The following ARHGEF16 variants were observed in gnomAD, a reference collection of about 807,000 sequenced individuals.
ARHGEF16 encodes the protein Rho guanine nucleotide exchange factor 16.
In ARHGEF16, 59 loss-of-function variants were observed where a neutral mutation model predicts 74.1. The observed-to-expected ratio is 0.80, with a 90% CI of 0.65 to 0.99. The LOEUF (loss-of-function observed/expected upper bound fraction) is 0.99. Ranked by LOEUF, ARHGEF16 falls within the 50% of genes least tolerant of loss-of-function variation. The pLI, the probability that ARHGEF16 is intolerant of heterozygous loss-of-function variation, is 0.00. For missense variants in ARHGEF16, 948 were observed against 986.6 expected, an observed-to-expected ratio of 0.96 and a Z score of 0.52; for synonymous variants, 415 against 412.6, an observed-to-expected ratio of 1.01 and a Z score of -0.07.
In ARHGEF16 at chr1:3,461,817, G is replaced by A. The variant is rs369525218; in HGVS notation, c.-19-1249G>A. On this transcript the variant is annotated intron_variant, in intron 1 of 14. Coordinates refer to ENST00000378378, the MANE Select transcript of ARHGEF16 (RefSeq NM_014448.4). ...CCATTGAGGCTCTGCCTGGCCACGC[G>A]TGCCTATAGTCATGGCAGCCAGGGA... 2.8e-4 allele frequency among the ~76,000 whole-genome samples: 42 copies of A among 152,320 alleles called. 1 individual carries two copies. The South Asian group carries it at 7.9e-3, about 29-fold the overall frequency.
At chr1:3,472,825 G>A (rs1173188519) in intron 6 of ARHGEF16, 9 of 502,408 alleles carry the variant, frequency 1.8e-5, no homozygotes. Flanking sequence ...GCACCAGTGC[G>A]TGGGATCGTG....
chr1:3,470,532 T>G (rs1569860769), intron 6 of ARHGEF16, among the ~76,000 whole-genome samples: 1 of 147,442 alleles, frequency 6.8e-6, no homozygotes, highest in African/African-American at 2.5e-5. Context: ...TGGGCAGGGG[T>G]GTGTATGCGT....
intron 1 of ARHGEF16, among the ~76,000 whole-genome samples, chr1:3,457,852 G>T (rs903888145): frequency 1.3e-5 from 2 of 152,216 alleles, no homozygotes; most frequent in Admixed American, 6.5e-5. Flanking sequence ...GGGATACCAG[G>T]TGGGGTATTT....
intron 5 of ARHGEF16, among the ~76,000 whole-genome samples, chr1:3,469,199 G>A (rs1639634667): frequency 6.6e-6 from 1 of 152,194 alleles, no homozygotes; most frequent in African/African-American, 2.4e-5. Flanking sequence ...CAAGGACGGG[G>A]GTCGTTGCCC....
Position 3,479,951 on chromosome 1 carries a change from G to C in ARHGEF16, c.1990+38G>C, listed in dbSNP as rs373574501. 9.8e-5 allele frequency: 157 copies of C among 1,597,428 alleles called. 1 individual carries two copies. Among genetic ancestry groups the C allele is most frequent in the Non-Finnish European group, 1.2e-4 (137 of 1,168,278 alleles). ...GCGTTGGGCACAGATGGGTGGGAAC[G>C]GACAGGCGGGCGTGAGTCAGCGTCC... is the stretch of plus-strand genomic sequence containing the variant. On this transcript the variant is annotated intron_variant, in intron 14 of 14. Transcript: ENST00000378378.
chr1:3,479,471 G>T (rs1426642756), intron 12 of ARHGEF16, 46 bp from the exon 13 acceptor site: 2 of 1,603,626 alleles, frequency 1.2e-6, no homozygotes, highest in South Asian at 2.2e-5. Flanking sequence ...CATCAGACGG[G>T]CAGGATCGGT....
chr1:3,455,013 G>A (rs1323575845), intron 1 of ARHGEF16, among the ~76,000 whole-genome samples: 1 of 151,802 alleles, frequency 6.6e-6, no homozygotes, highest in Non-Finnish European at 1.5e-5. Context: ...CGGGGCTCGC[G>A]GGCTGAGCCG....
At chr1:3,479,396 G>A in intron 12 of ARHGEF16, 121 bp from the exon 13 acceptor site, 3 of 1,033,892 alleles carry the variant, frequency 2.9e-6, no homozygotes, top group Non-Finnish European at 1.4e-6. Flanking sequence ...AGCCACTCCT[G>A]CCCACCCCCA....
chr1:3,473,550 G>C (rs749577594), intron 8 of ARHGEF16, 28 bp downstream of exon 8: 11 of 1,602,128 alleles, frequency 6.9e-6, no homozygotes, highest in East Asian at 2.2e-5. Flanking sequence ...GGGTGGGGCC[G>C]GGCATACCAT....
chr1:3,472,934 C>A, intron 6 of ARHGEF16, 144 bp from the exon 7 acceptor site: 1 of 545,222 alleles, frequency 1.8e-6, no homozygotes, highest in Non-Finnish European at 2.6e-6. Flanking sequence ...CAAGTGCTTG[C>A]TGTGTGCTGC....
chr1:3,478,373 C>T, intron 11 of ARHGEF16, 51 bp from the exon 12 acceptor site: 2 of 1,530,712 alleles, frequency 1.3e-6, no homozygotes, highest in Non-Finnish European at 1.8e-6. Context: ...CCCAGCAGCA[C>T]TGGGTAGGAG....
rs867301963 is a variant in ARHGEF16, at chr1:3,466,031, A to G, written c.589-117A>G. ...GTGAGGCCCTGTGGAGCTGACATCT[A>G]TTGGGCACAGCTTCGCATGTGGAGC... On this transcript the variant is annotated intron_variant, in intron 2 of 14. Coordinates refer to ENST00000378378, the MANE Select transcript of ARHGEF16 (RefSeq NM_014448.4). 17 of 1,155,090 alleles carry G rather than the reference A, an allele frequency of 1.5e-5. No homozygotes were observed. The Middle Eastern group carries it at 1.5e-3, about 104-fold the overall frequency. 71.6% of individuals were successfully genotyped at this position (1,155,090 alleles called of 1,614,324 possible).
At chr1:3,457,187 C>T (rs1009698795) in intron 1 of ARHGEF16, among the ~76,000 whole-genome samples, 4 of 152,238 alleles carry the variant, frequency 2.6e-5, no homozygotes, top group Non-Finnish European at 2.9e-5. Context: ...AAGTCCTCCC[C>T]CCGATTATGT....
At chr1:3,472,214 C>G (rs949509543) in intron 6 of ARHGEF16, among the ~76,000 whole-genome samples, 14 of 152,194 alleles carry the variant, frequency 9.2e-5, no homozygotes, top group African/African-American at 3.1e-4. Context: ...GCAGGATGGA[C>G]GAGGCTCCAG....
chr1:3,459,712 G>A (rs766098344), intron 1 of ARHGEF16, among the ~76,000 whole-genome samples: 1 of 152,198 alleles, frequency 6.6e-6, no homozygotes, highest in Non-Finnish European at 1.5e-5. Flanking sequence ...AACACTCAGG[G>A]AAAAATTAAC....
At chr1:3,462,503 A>G (rs777940916) in intron 1 of ARHGEF16, among the ~76,000 whole-genome samples, 2 of 152,280 alleles carry the variant, frequency 1.3e-5, no homozygotes, top group Admixed American at 6.5e-5. Flanking sequence ...GAAGACCCCA[A>G]TGAGGCAGAG....
At chr1:3,461,166 T>C (rs1463011115) in intron 1 of ARHGEF16, among the ~76,000 whole-genome samples, 2 of 152,326 alleles carry the variant, frequency 1.3e-5, no homozygotes, top group East Asian at 1.9e-4. Context: ...GTGGTGGTTA[T>C]TGTTTTTATC....
At chr1:3,461,029 C>T (rs986229989) in intron 1 of ARHGEF16, among the ~76,000 whole-genome samples, 1 of 152,276 alleles carries the variant, frequency 6.6e-6, no homozygotes, top group Admixed American at 6.5e-5. Context: ...AACCTCCCTG[C>T]AGGAAGTGAC....
chr1:3,477,103 G>A (rs1022957246), intron 10 of ARHGEF16, among the ~76,000 whole-genome samples: 20 of 151,964 alleles, frequency 1.3e-4, no homozygotes, highest in African/African-American at 4.6e-4. Context: ...GAGGGAGGGT[G>A]GTGGCAGAGG....
Sources: gnomAD v4.1 joint callset for allele counts (sites outside exome capture counted in the v4.1 genomes callset) on GRCh38, gnomAD v4.1.1 for gene constraint, MANE v1.5 for transcripts, NCBI Gene and HGNC (gene_info 2026-07-23, HGNC 2026-07-21) for gene names.